SERPINE2: variants seen among roughly 807,000 people sequenced by gnomAD.
The protein encoded by SERPINE2 is serpin family E member 2, also known as glia-derived nexin.
A neutral mutation model predicts 36.3 loss-of-function variants in SERPINE2; 14 were observed. That is an observed-to-expected ratio of 0.39 (90% CI 0.25 to 0.60). The LOEUF (loss-of-function observed/expected upper bound fraction) is 0.60. Ranked by LOEUF, SERPINE2 falls within the 20% of genes least tolerant of loss-of-function variation. The probability of loss-of-function intolerance (pLI) is 0.57; values close to 1 mark genes in which losing one functional copy is unlikely to be tolerated. For missense variants in SERPINE2, 418 were observed against 499.6 expected (o/e 0.84, Z 1.56); for synonymous variants, 192 against 191.8 (o/e 1.00, Z -0.01).
chr2:223,997,311 C>G (rs1690929424), intron 3 of SERPINE2, among the ~76,000 whole-genome samples: 2 of 152,150 alleles, frequency 1.3e-5, no homozygotes, highest in Admixed American at 1.3e-4. Context: ...ATCTCCCCCT[C>G]CCAGGTTCAA....
intron 1 of SERPINE2, among the ~76,000 whole-genome samples, chr2:224,026,757 A>G (rs1692199971): frequency 6.6e-6 from 1 of 152,192 alleles, no homozygotes; most frequent in Non-Finnish European, 1.5e-5. Flanking sequence ...CCCAGAAGGG[A>G]TCAGGCCTTA....
intron 1 of SERPINE2, among the ~76,000 whole-genome samples, chr2:224,038,338 T>C (rs894604260): frequency 5.3e-5 from 8 of 152,216 alleles, no homozygotes; most frequent in Admixed American, 2.0e-4. Context: ...TTTCGTTCAT[T>C]AAAACACTAA....
chr2:224,006,930 G>A (rs995002965), intron 1 of SERPINE2, among the ~76,000 whole-genome samples: 1 of 152,146 alleles, frequency 6.6e-6, no homozygotes, highest in Admixed American at 6.5e-5. Context: ...GCTCCCTGCT[G>A]CCTCACACCC....
intron 4 of SERPINE2, among the ~76,000 whole-genome samples, chr2:223,986,916 A>T (rs184085533): frequency 6.6e-5 from 10 of 152,308 alleles, no homozygotes; most frequent in African/African-American, 1.9e-4. Context: ...TGCATCAGAC[A>T]TACGCATGCT....
Position 223,998,199 on chromosome 2 carries a change from G to T in SERPINE2, c.403C>A (p.Gln135Lys). Residue 135 changes from glutamine to lysine, a missense_variant, in exon 3 of 9, where the codon CAG (glutamine) becomes AAG (lysine). Physicochemically the swap from Gln to Lys is moderately conservative, Grantham distance 53. Coordinates refer to ENST00000409304, the MANE Select transcript of SERPINE2 (RefSeq NM_001136528.2). ...AAGTTCACATTCCGGACCTCACACTGGAACACATCTTTGTTCCTTGTAACA... is the reference window on the plus strand; with the variant it reads ...AAGTTCACATTCCGGACCTCACACTTGAACACATCTTTGTTCCTTGTAACA... ...PFVTRNKDVFQCEVRNVNFED... is the reference protein window; with the variant it reads ...PFVTRNKDVFKCEVRNVNFED... The T allele has an allele frequency of 6.2e-6, 10 of 1,614,190 alleles. No individual in the cohort carries two copies. Among genetic ancestry groups the T allele is most frequent in the Non-Finnish European group, 8.5e-6 (10 of 1,180,038 alleles).
intron 2 of SERPINE2, among the ~76,000 whole-genome samples, chr2:224,000,173 C>A (rs990260437): frequency 6.6e-6 from 1 of 152,190 alleles, no homozygotes; most frequent in Non-Finnish European, 1.5e-5. Context: ...AACTTTCGGG[C>A]CAGCCTGGGT....
At chr2:223,985,639 C>A (rs1339904419) in intron 4 of SERPINE2, among the ~76,000 whole-genome samples, 1 of 152,164 alleles carries the variant, frequency 6.6e-6, no homozygotes, top group Non-Finnish European at 1.5e-5. Context: ...TCTACAGCAC[C>A]TCACGGGGTA....
intron 1 of SERPINE2, among the ~76,000 whole-genome samples, chr2:224,004,040 G>A (rs1264650791): frequency 3.9e-5 from 6 of 152,324 alleles, no homozygotes; most frequent in Non-Finnish European, 7.3e-5. Flanking sequence ...ACCCTAGGGC[G>A]TAGGAGATGT....
rs73992285 is a variant in SERPINE2 at position 223,999,712 on chromosome 2, G to A, written c.260-1370C>T. Among the ~76,000 whole-genome samples the A allele has an allele frequency of 8.2e-3, 1,249 of 152,320 alleles. 10 individuals are homozygous for A. The Middle Eastern group carries it at 0.088, about 11-fold the overall frequency. ...GGTGAGGCAGTGGTGGATGGCCAAC[G>A]GGCCAATATTCTTAGAACTTCAGAA... On this transcript the variant is annotated intron_variant, in intron 2 of 8. Coordinates refer to ENST00000409304, the MANE Select transcript of SERPINE2 (RefSeq NM_001136528.2).
At chr2:223,996,652 CAT>C (rs1379013695) in intron 3 of SERPINE2, among the ~76,000 whole-genome samples, 1 of 152,226 alleles carries the variant, frequency 6.6e-6, no homozygotes, top group Non-Finnish European at 1.5e-5. Context: ...CTTCTCAACA[CAT>C]AGCCCAGATA....
At chr2:224,023,839 G>C (rs1363290483) in intron 1 of SERPINE2, among the ~76,000 whole-genome samples, 4 of 152,138 alleles carry the variant, frequency 2.6e-5, no homozygotes, top group Non-Finnish European at 5.9e-5. Context: ...CTCCATTCTG[G>C]CTCTTGTAAT....
At chr2:223,977,012 C>T (rs1366666109) in intron 8 of SERPINE2, among the ~76,000 whole-genome samples, 2 of 152,184 alleles carry the variant, frequency 1.3e-5, no homozygotes, top group Non-Finnish European at 2.9e-5. Context: ...GGGTTTCCCA[C>T]TTCACTCGGC....
intron 1 of SERPINE2, among the ~76,000 whole-genome samples, chr2:224,002,391 C>A (rs1214753092): frequency 2.0e-5 from 3 of 152,144 alleles, no homozygotes; most frequent in Non-Finnish European, 4.4e-5. Context: ...AAAACACACC[C>A]TGGGGAGGTG....
At chr2:223,989,803 G>T (rs1300559560) in intron 4 of SERPINE2, among the ~76,000 whole-genome samples, 2 of 152,158 alleles carry the variant, frequency 1.3e-5, no homozygotes, top group Admixed American at 6.5e-5. Flanking sequence ...TCTTTTTCTG[G>T]TCCGAATTAG....
At chr2:223,978,253 T>A (rs969224876) in intron 7 of SERPINE2, 1 of 152,554 alleles carries the variant, frequency 6.6e-6, no homozygotes, top group Non-Finnish European at 1.5e-5. Flanking sequence ...GGTTTTGAAC[T>A]CCTGACCTCA....
chr2:224,004,135 G>A (rs1361209607), intron 1 of SERPINE2, among the ~76,000 whole-genome samples: 5 of 152,122 alleles, frequency 3.3e-5, no homozygotes, highest in Admixed American at 6.5e-5. Flanking sequence ...TCACAACAGC[G>A]TTTATGGAGT....
chr2:224,009,434 C>T (rs1691546597), intron 1 of SERPINE2, among the ~76,000 whole-genome samples: 1 of 152,186 alleles, frequency 6.6e-6, no homozygotes, highest in South Asian at 2.1e-4. Flanking sequence ...GTGGCTCAAG[C>T]CCGTAACCCC....
At chr2:224,031,596 T>G in intron 1 of SERPINE2, 1 of 669,268 alleles carries the variant, frequency 1.5e-6, no homozygotes, top group Non-Finnish European at 1.8e-6. Context: ...AGGACCTCAC[T>G]CCTCTGCCCA....
intron 1 of SERPINE2, among the ~76,000 whole-genome samples, chr2:224,008,933 C>G (rs770273502): frequency 2.6e-5 from 4 of 152,214 alleles, no homozygotes; most frequent in Non-Finnish European, 5.9e-5. Context: ...AGACCAGCTG[C>G]TGACACTGAA....
Sources: gnomAD v4.1 joint callset for allele counts (sites outside exome capture counted in the v4.1 genomes callset) on GRCh38, gnomAD v4.1.1 for gene constraint, MANE v1.5 for transcripts, NCBI Gene and HGNC (gene_info 2026-07-23, HGNC 2026-07-21) for gene names.